The following CYFIP1 variants were observed in gnomAD, a reference collection of about 807,000 sequenced individuals.
CYFIP1 encodes the protein cytoplasmic FMR1 interacting protein 1, also known as cytoplasmic FMR1-interacting protein 1.
CYFIP1 carries 58 observed loss-of-function variants against 163.5 expected under a neutral mutation model. The ratio of observed to expected loss-of-function variants is 0.35; its 90% CI spans 0.29 to 0.44. The LOEUF is 0.44. Among genes scored for constraint, CYFIP1 ranks in the 20% least tolerant of loss-of-function variants. CYFIP1 has a pLI of 1.00. For synonymous variants in CYFIP1, 663 were observed against 660.7 expected (o/e 1.00, Z -0.05); for missense variants, 1,338 against 1,653.8 (o/e 0.81, Z 3.31).
Position 22,903,913 on chromosome 15 carries a change from A to C in CYFIP1, c.2389-8T>G. 1 of 1,613,466 alleles carries C rather than the reference A, an allele frequency of 6.2e-7. No homozygotes were observed. Among genetic ancestry groups the C allele is most frequent in the Non-Finnish European group, 8.5e-7 (1 of 1,179,752 alleles). ...CAACAGGCCATCCAGCTCCTGTGGC[A>C]CCAAAGACAGGGGTGGGTGACAGAG... On this transcript the variant is annotated splice_region_variant and splice_polypyrimidine_tract_variant and intron_variant, in intron 21 of 30. Coordinates refer to ENST00000617928, the MANE Select transcript of CYFIP1 (RefSeq NM_014608.6).
chr15:22,878,674 TAA>T (rs199504341), intron 26 of CYFIP1, among the ~76,000 whole-genome samples: 8 of 121,646 alleles, frequency 6.6e-5, no homozygotes, highest in Admixed American at 1.7e-4. Flanking sequence ...GATGGTAGAT[TAA>T]AAAAAAAAAA....
Position 22,958,627 on chromosome 15 carries a change from C to A in CYFIP1, c.-6-11336G>T, listed in dbSNP as rs146570532. 3.3e-5 allele frequency among the ~76,000 whole-genome samples: 5 copies of A among 152,250 alleles called. No homozygotes were observed. The East Asian group carries it at 9.7e-4, about 29-fold the overall frequency. On this transcript the variant is annotated intron_variant, in intron 1 of 30. Transcript: ENST00000617928. ...GTCAGGCTGCCTCTGGGAGGGGTCT[C>A]CCAAGACCAAGTGGTCTCACAACCT...
At chr15:22,968,900 G>C (rs961941741) in intron 1 of CYFIP1, among the ~76,000 whole-genome samples, 1 of 152,116 alleles carries the variant, frequency 6.6e-6, no homozygotes, top group African/African-American at 2.4e-5. Flanking sequence ...CTTTGGACAG[G>C]GATTCAAATG....
chr15:22,940,717 C>T, intron 6 of CYFIP1, among the ~76,000 whole-genome samples: 1 of 152,372 alleles, frequency 6.6e-6, no homozygotes, highest in Middle Eastern at 3.4e-3. Context: ...GTAATATTAA[C>T]TGATACAGTA....
rs1420074148 is a variant in CYFIP1, at chr15:22,914,709, G to C, written c.1985+17C>G. On this transcript the variant is annotated intron_variant, in intron 17 of 30. Transcript: ENST00000617928. ...CACCACACACAAAGGCTGGAGACAGGCCCGCAGGACACGCACTCCATCATC... is the reference window on the plus strand; with the variant it reads ...CACCACACACAAAGGCTGGAGACAGCCCCGCAGGACACGCACTCCATCATC... The C allele has an allele frequency of 2.5e-6, 4 of 1,600,674 alleles. No homozygotes were observed. Among genetic ancestry groups the C allele is most frequent in the Non-Finnish European group, 3.4e-6 (4 of 1,172,674 alleles).
chr15:22,894,241 C>T (rs1311416402), intron 22 of CYFIP1, among the ~76,000 whole-genome samples: 1 of 150,570 alleles, frequency 6.6e-6, no homozygotes, highest in African/African-American at 2.4e-5. Context: ...GAGCCAAGCG[C>T]CAGGATATGA....
At chr15:22,935,388 C>T (rs887585662) in intron 9 of CYFIP1, among the ~76,000 whole-genome samples, 7 of 152,152 alleles carry the variant, frequency 4.6e-5, no homozygotes, top group African/African-American at 1.4e-4. Flanking sequence ...TCCAAGGACA[C>T]GAAACCCCTA....
chr15:22,870,813 G>A (rs2059412751), intron 30 of CYFIP1, among the ~76,000 whole-genome samples: 1 of 152,162 alleles, frequency 6.6e-6, no homozygotes, highest in South Asian at 2.1e-4. Flanking sequence ...GTGGAGAAAG[G>A]CCAGTCAACT....
chr15:22,950,436 C>T (rs2062209663), intron 1 of CYFIP1, among the ~76,000 whole-genome samples: 1 of 152,162 alleles, frequency 6.6e-6, no homozygotes, highest in Non-Finnish European at 1.5e-5. Context: ...GGAGCCAGAA[C>T]AACCCTCAAT....
At position 22,943,183 on chromosome 15, in the gene CYFIP1, C is replaced by T. The variant is rs780193571; in HGVS notation, c.559G>A (p.Ala187Thr). 6.2e-7 allele frequency: 1 copy of T among 1,614,142 alleles called. No individual in the cohort carries two copies. The highest frequency in any genetic ancestry group is 8.5e-7 in the Non-Finnish European group (1 of 1,180,002). ...GAGGTGGGTGCTCACCTCTTGTACG[C>T]TGAGTGGTCGTTCTTCACACTGCAC... ...MKCSVKNDHS[A>T]YKRAAQFLRK... Residue 187 changes from alanine to threonine, a missense_variant, in exon 6 of 31, where the codon GCG (alanine) becomes ACG (threonine). This residue lies in a region of CYFIP1 where 186 missense variants were observed against 288.3 expected (regional missense o/e 0.65). Transcript: ENST00000617928.
chr15:22,939,671 G>C (rs1447726920), intron 6 of CYFIP1, among the ~76,000 whole-genome samples, 164 bp from the exon 7 acceptor site: 2 of 151,284 alleles, frequency 1.3e-5, no homozygotes, highest in African/African-American at 4.9e-5. Context: ...AGCCTTTTCA[G>C]GCGTCTCTGG....
At chr15:22,916,787 C>A in intron 15 of CYFIP1, 157 bp from the exon 16 acceptor site, 1 of 1,586,208 alleles carries the variant, frequency 6.3e-7, no homozygotes, top group Non-Finnish European at 8.6e-7. Flanking sequence ...CCTGTCTACG[C>A]GGCCACGTTG....
chr15:22,968,611 A>G (rs2062989982), intron 1 of CYFIP1, among the ~76,000 whole-genome samples: 1 of 151,944 alleles, frequency 6.6e-6, no homozygotes, highest in African/African-American at 2.4e-5. Flanking sequence ...CTAATACATC[A>G]CCTCTACCAC....
In CYFIP1 at chr15:22,873,660, C is replaced by T. The variant is rs766879178; in HGVS notation, c.3280G>A (p.Glu1094Lys). ...ERLCCGLSMF[E>K]VILTRIRSFL... The stretch of plus-strand genomic sequence containing the variant: ...CTCCGGATCCGTGTCAGGATGACCT[C>T]AAACATGGACAGGCCGCAGCAGAGG... Residue 1094 changes from glutamate to lysine, a missense_variant, in exon 29 of 31, where the codon GAG becomes AAG. Glu to Lys is a moderately conservative substitution (Grantham distance 56). Around this residue, in one of 4 missense-constraint regions of CYFIP1, gnomAD observed 306 missense variants for 322.1 expected, o/e 0.95. Coordinates refer to ENST00000617928, the MANE Select transcript of CYFIP1 (RefSeq NM_014608.6). 6.2e-7 allele frequency: 1 copy of T among 1,614,130 alleles called. No homozygotes were observed. Among genetic ancestry groups the T allele is most frequent in the South Asian group, 1.1e-5 (1 of 91,092 alleles).
intron 8 of CYFIP1, among the ~76,000 whole-genome samples, chr15:22,937,596 C>CTTTTTTTTTTTTTTT (rs919893437): frequency 7.0e-6 from 1 of 143,746 alleles, no homozygotes; most frequent in Admixed American, 7.3e-5. Context: ...ACTAAAAATT[C>CTTTTTTTTTTTTTTT]TTTTTTTGTT....
intron 13 of CYFIP1, among the ~76,000 whole-genome samples, chr15:22,920,212 TGGA>T (rs1477559174): frequency 8.1e-6 from 1 of 123,320 alleles, no homozygotes; most frequent in East Asian, 2.6e-4. Context: ...TTGCCCAGAC[TGGA>T]GTGCAGTGGC....
intron 22 of CYFIP1, among the ~76,000 whole-genome samples, chr15:22,898,827 C>T (rs1000117353): frequency 1.4e-4 from 21 of 151,960 alleles, no homozygotes; most frequent in Middle Eastern, 3.2e-3. Flanking sequence ...AATGGTGAAA[C>T]CCCGTCTCTA....
Position 22,963,534 on chromosome 15 carries a change from CAT to C in CYFIP1, c.-6-16245_-6-16244del, listed in dbSNP as rs1491364330. Among the ~76,000 whole-genome samples, 12 of 145,688 alleles carry C rather than the reference CAT, an allele frequency of 8.2e-5. No individual in the cohort carries two copies. The East Asian group carries it at 1.8e-3, about 22-fold the overall frequency. On this transcript the variant is annotated intron_variant, in intron 1 of 30. Transcript: ENST00000617928. Reference sequence around the variant, plus strand: ...CATAACATAACATAACATAACATAACATAACATAACATAACATAACATAAGAA... The same window carrying C: ...CATAACATAACATAACATAACATAACAACATAACATAACATAACATAAGAA...
At chr15:22,950,928 T>G (rs2062229070) in intron 1 of CYFIP1, among the ~76,000 whole-genome samples, 1 of 152,196 alleles carries the variant, frequency 6.6e-6, no homozygotes. Flanking sequence ...TCACATAACT[T>G]TTATGACAGT....
Sources: gnomAD v4.1 joint callset for allele counts (sites outside exome capture counted in the v4.1 genomes callset) on GRCh38, gnomAD v4.1.1 for gene constraint, gnomAD v4.1.1 regional missense constraint, MANE v1.5 for transcripts, NCBI Gene and HGNC (gene_info 2026-07-23, HGNC 2026-07-21) for gene names.